Variants in DYRK1A observed in about 807,000 individuals in gnomAD.
DYRK1A encodes the protein dual specificity tyrosine-phosphorylation-regulated kinase 1A.
In DYRK1A, 9 loss-of-function variants were observed where a neutral mutation model predicts 79.7. The ratio of observed to expected loss-of-function variants is 0.11; its 90% CI spans 0.07 to 0.20. The LOEUF (loss-of-function observed/expected upper bound fraction) is 0.20, where lower values mean the gene tolerates loss of function less well. Among genes scored for constraint, DYRK1A ranks in the 10% least tolerant of loss-of-function variants. DYRK1A has a pLI of 1.00. For synonymous variants in DYRK1A, 349 were observed against 329.7 expected, an observed-to-expected ratio of 1.06 and a Z score of -0.63; for missense variants, 622 against 956.0, an observed-to-expected ratio of 0.65 and a Z score of 4.61.
At chr21:37,366,010 G>T (rs1419325862), upstream of DYRK1A, 5 of 152,256 alleles carry the variant, frequency 3.3e-5, no homozygotes, top group South Asian at 8.3e-4. Context: ...CGCAGCGTCC[G>T]GAATTCCTGC....
chr21:37,388,698 G>A (rs1569285315), intron 1 of DYRK1A, among the ~76,000 whole-genome samples: 1 of 151,376 alleles, frequency 6.6e-6, no homozygotes, highest in Non-Finnish European at 1.5e-5. Context: ...AGGCTGGAGT[G>A]TAGTGGGGTG....
chr21:37,381,630 A>T (rs1320817005), intron 1 of DYRK1A, among the ~76,000 whole-genome samples: 1 of 152,094 alleles, frequency 6.6e-6, no homozygotes, highest in Non-Finnish European at 1.5e-5. Context: ...TCAGGTGCAT[A>T]TCGAATATAA....
At chr21:37,384,657 T>TG (rs2049724645) in intron 1 of DYRK1A, among the ~76,000 whole-genome samples, 1 of 152,156 alleles carries the variant, frequency 6.6e-6, no homozygotes, top group Non-Finnish European at 1.5e-5. Flanking sequence ...AAGAAGCAGG[T>TG]TAACATGACT....
Position 37,367,030 on chromosome 21 carries a change from T to TGGTGCC in DYRK1A, c.-673_-668dup, listed in dbSNP as rs919071345. The TGGTGCC allele has an allele frequency of 1.2e-4, 19 of 162,328 alleles. No homozygotes were observed. The highest frequency in any genetic ancestry group is 3.3e-4 in the Admixed American group (5 of 15,366). 10.1% of individuals were successfully genotyped at this position (162,328 alleles called of 1,614,324 possible). On this transcript the variant is annotated 5_prime_UTR_variant, in exon 1 of 12. Transcript: ENST00000647188. ...CTGCTGCTGTTCCTGCTGCTGCTGTTGGTGCCGCTGCCGCCGCCGGCGAGC... is the reference window on the plus strand; with the variant it reads ...CTGCTGCTGTTCCTGCTGCTGCTGTTGGTGCCGGTGCCGCTGCCGCCGCCGGCGAGC...
At chr21:37,436,811 T>A (rs1283255454) in intron 2 of DYRK1A, among the ~76,000 whole-genome samples, 1 of 152,210 alleles carries the variant, frequency 6.6e-6, no homozygotes, top group Non-Finnish European at 1.5e-5. Context: ...ACAGAAATGC[T>A]TTATTCAACC....
At chr21:37,370,213 G>A (rs956682004) in intron 1 of DYRK1A, among the ~76,000 whole-genome samples, 1 of 152,002 alleles carries the variant, frequency 6.6e-6, no homozygotes, top group Non-Finnish European at 1.5e-5. Context: ...GGTATACAGT[G>A]ACCTTTGGCA....
intron 1 of DYRK1A, among the ~76,000 whole-genome samples, chr21:37,400,561 GGGA>G (rs2050034734): frequency 6.6e-6 from 1 of 152,138 alleles, no homozygotes; most frequent in Non-Finnish European, 1.5e-5. Context: ...GATCCAACCT[GGGA>G]GACAGCTCCC....
intron 1 of DYRK1A, among the ~76,000 whole-genome samples, chr21:37,382,002 G>C (rs1000240232): frequency 6.6e-6 from 1 of 152,064 alleles, no homozygotes; most frequent in Non-Finnish European, 1.5e-5. Context: ...AGCTGAATGA[G>C]CTTTCTTAAA....
chr21:37,460,680 G>A (rs1166706362), intron 2 of DYRK1A, among the ~76,000 whole-genome samples: 1 of 152,106 alleles, frequency 6.6e-6, no homozygotes, highest in African/African-American at 2.4e-5. Context: ...TTTGTACTAA[G>A]TAGGGAAGAA....
chr21:37,441,030 T>C lies in DYRK1A; in HGVS notation c.10+20646T>C, dbSNP rs116610678. Among the ~76,000 whole-genome samples the C allele has an allele frequency of 9.1e-3, 1,386 of 151,854 alleles. 19 individuals carry two copies. The highest frequency in any genetic ancestry group is 0.032 in the African/African-American group (1,330 of 41,474). On this transcript the variant is annotated intron_variant, in intron 2 of 11. Coordinates refer to ENST00000647188, the MANE Select transcript of DYRK1A (RefSeq NM_001347721.2). The stretch of plus-strand genomic sequence containing the variant: ...TCTCTTAATATAATTGTGTCTATCG[T>C]TGTAGTTTTATCATTTTTTTTGGTC...
chr21:37,449,838 G>A (rs1461074100), intron 2 of DYRK1A, among the ~76,000 whole-genome samples: 1 of 152,126 alleles, frequency 6.6e-6, no homozygotes, highest in Non-Finnish European at 1.5e-5. Context: ...GTCAAGTCAA[G>A]TCTCTTGGAT....
At position 37,506,019 on chromosome 21, in the gene DYRK1A, T is replaced by C; in HGVS notation, c.1520-80T>C. The C allele has an allele frequency of 4.1e-6, 6 of 1,478,560 alleles. No homozygotes were observed. The South Asian group carries it at 7.9e-5, about 20-fold the overall frequency. 91.6% of individuals were successfully genotyped at this position (1,478,560 alleles called of 1,614,324 possible). ...TGTGTGTGAGTACTTTCAGTTTTAA[T>C]GGTATAGCTTCAGAGTATAAATTTG... On this transcript the variant is annotated intron_variant, in intron 10 of 11. Transcript: ENST00000647188.
chr21:37,453,361 A>C (rs922075184), intron 2 of DYRK1A, among the ~76,000 whole-genome samples: 1 of 152,202 alleles, frequency 6.6e-6, no homozygotes, highest in Admixed American at 6.5e-5. Flanking sequence ...CAAGTCTAGA[A>C]TATAGTAGGG....
At chr21:37,506,413 T>C (rs1322361985) in intron 11 of DYRK1A, 190 bp downstream of exon 11, 2 of 1,491,686 alleles carry the variant, frequency 1.3e-6, no homozygotes. Context: ...TGTCTAGAAG[T>C]GGCTAACACT....
intron 2 of DYRK1A, among the ~76,000 whole-genome samples, chr21:37,469,092 T>C (rs1420073452): frequency 6.6e-6 from 1 of 152,054 alleles, no homozygotes; most frequent in East Asian, 1.9e-4. Flanking sequence ...AAAATGCAAA[T>C]TAAAAACCAC....
rs1030336109 is a variant in DYRK1A, at chr21:37,525,058, C to G, written c.*12527C>G. 6.6e-6 allele frequency: 1 copy of G among 152,240 alleles called. No homozygotes were observed. The highest frequency in any genetic ancestry group is 2.4e-5 in the African/African-American group (1 of 41,428). The allele number at this position is 152,240 out of a possible 1,614,324, so 9.4% of individuals were successfully genotyped here. A position where few individuals can be genotyped will look rare whatever the true frequency, so the allele number is the denominator to read the frequency against. ...AGGTTGCAGTGAGCTGAGATTGCAC[C>G]ACTGTACTCCAGCCTGGATGACAGA... On this transcript the variant is annotated 3_prime_UTR_variant, in exon 12 of 12. Coordinates refer to ENST00000647188, the MANE Select transcript of DYRK1A (RefSeq NM_001347721.2).
At chr21:37,484,898 T>C (rs2052799761) in intron 5 of DYRK1A, among the ~76,000 whole-genome samples, 1 of 152,192 alleles carries the variant, frequency 6.6e-6, no homozygotes, top group African/African-American at 2.4e-5. Context: ...TGTTGTGCAG[T>C]GTCCACGTTG....
At chr21:37,370,554 A>G (rs967491918) in intron 1 of DYRK1A, among the ~76,000 whole-genome samples, 5 of 152,180 alleles carry the variant, frequency 3.3e-5, no homozygotes, top group African/African-American at 1.2e-4. Flanking sequence ...CTTTCCTCAT[A>G]TTTGAGAAGG....
chr21:37,488,920 G>C, intron 6 of DYRK1A: 4 of 939,750 alleles, frequency 4.3e-6, no homozygotes, highest in Non-Finnish European at 5.1e-6. Flanking sequence ...ACTAAGAGCA[G>C]ATATTTTACA....
Sources: gnomAD v4.1 joint callset for allele counts (sites outside exome capture counted in the v4.1 genomes callset) on GRCh38, gnomAD v4.1.1 for gene constraint, MANE v1.5 for transcripts, NCBI Gene and HGNC (gene_info 2026-07-23, HGNC 2026-07-21) for gene names.